The following FAF1 variants were observed in gnomAD, a reference collection of about 807,000 sequenced individuals.
FAF1 encodes the protein Fas associated factor 1.
FAF1 carries 25 observed loss-of-function variants against 92.5 expected under a neutral mutation model. That is an observed-to-expected ratio of 0.27 (90% CI 0.20 to 0.38). FAF1 has a LOEUF of 0.38. FAF1 is among the 10% of genes least tolerant of loss of function. The pLI is 1.00. For synonymous variants in FAF1, 234 were observed against 273.2 expected, an observed-to-expected ratio of 0.86 and a Z score of 1.42; for missense variants, 636 against 793.3, an observed-to-expected ratio of 0.80 and a Z score of 2.38.
intron 8 of FAF1, among the ~76,000 whole-genome samples, chr1:50,641,791 C>T (rs1557451048): frequency 6.6e-6 from 1 of 152,158 alleles, no homozygotes; most frequent in Admixed American, 6.6e-5. Context: ...TGTGTGTCAG[C>T]TTTGGCTTTG....
rs1558000811 is a variant in FAF1, at chr1:50,574,896, C to CTGTTTTTTTTTTT, written c.1114-7666_1114-7665insAAAAAAAAAAACA. On this transcript the variant is annotated intron_variant, in intron 12 of 18. Coordinates refer to ENST00000396153, the MANE Select transcript of FAF1 (RefSeq NM_007051.3). ...GTTTAAGCATATAGAGTTGTATTAACTCTTTTTTTTTTTTTTTTTTTTTTT... is the reference window on the plus strand; with the variant it reads ...GTTTAAGCATATAGAGTTGTATTAACTGTTTTTTTTTTTTCTTTTTTTTTTTTTTTTTTTTTTT... Among the ~76,000 whole-genome samples the CTGTTTTTTTTTTT allele has an allele frequency of 1.5e-3, 181 of 122,892 alleles. 9 individuals are homozygous for CTGTTTTTTTTTTT. The highest frequency in any genetic ancestry group is 5.1e-3 in the African/African-American group (156 of 30,786). The allele number at this position is 122,892 out of a possible 152,430, so 80.6% of individuals were successfully genotyped here. A position where few individuals can be genotyped will look rare whatever the true frequency, so the allele number is the denominator to read the frequency against.
intron 4 of FAF1, among the ~76,000 whole-genome samples, chr1:50,781,755 T>C (rs1450888561): frequency 1.3e-5 from 2 of 152,130 alleles, no homozygotes; most frequent in Admixed American, 6.5e-5. Flanking sequence ...TATTACTCCA[T>C]AAAAAAGTCT....
intron 4 of FAF1, among the ~76,000 whole-genome samples, chr1:50,765,811 C>G (rs553404257): frequency 6.6e-6 from 1 of 152,292 alleles, no homozygotes; most frequent in African/African-American, 2.4e-5. Flanking sequence ...TAAAATAGGG[C>G]TAGGCATGGT....
chr1:50,833,418 G>C (rs1345520409), intron 2 of FAF1, among the ~76,000 whole-genome samples: 5 of 151,844 alleles, frequency 3.3e-5, no homozygotes, highest in Non-Finnish European at 7.4e-5. Flanking sequence ...CGGGTGTGTG[G>C]GAGACAGTGC....
intron 1 of FAF1, among the ~76,000 whole-genome samples, chr1:50,859,278 G>C (rs913583312): frequency 1.3e-5 from 2 of 151,682 alleles, no homozygotes; most frequent in Non-Finnish European, 2.9e-5. Flanking sequence ...TCAACCAAGA[G>C]AAAGAAATAA....
chr1:50,596,192 A>T lies in FAF1; in HGVS notation c.769T>A (p.Ser257Thr), dbSNP rs1250650985. Reference sequence around the variant, plus strand: ...ACTGTAAGTCGATGGCAGGGATAAGAGAGCCCTGATTCAGCAAGACACATC... The same window carrying T: ...ACTGTAAGTCGATGGCAGGGATAAGTGAGCCCTGATTCAGCAAGACACATC... ...DSMCLAESGL[S>T]YPCHRLTVGR... Residue 257 changes from serine (S) to threonine (T), a missense_variant, in exon 9 of 19, where the codon TCT becomes ACT. Ser to Thr is a moderately conservative substitution (Grantham distance 58). This residue lies in a region of FAF1 where 317 missense variants were observed against 342.4 expected (regional missense o/e 0.93). Transcript: ENST00000396153. The T allele has an allele frequency of 1.9e-6, 3 of 1,613,646 alleles. No individual in the cohort carries two copies. In the Admixed American group the frequency reaches 5.0e-5, roughly 27 times the overall value.
intron 15 of FAF1, among the ~76,000 whole-genome samples, chr1:50,518,084 T>C (rs115867929): frequency 0.013 from 2,033 of 152,276 alleles, 42 homozygotes; most frequent in African/African-American, 0.045. Flanking sequence ...AGTTTCATCA[T>C]ACAAAAAATA....
At chr1:50,944,871 CA>C (rs1432673261) in intron 1 of FAF1, among the ~76,000 whole-genome samples, 1 of 152,062 alleles carries the variant, frequency 6.6e-6, no homozygotes, top group Non-Finnish European at 1.5e-5. Context: ...CCTGAATTCT[CA>C]AAATAGGGCT....
Position 50,683,584 on chromosome 1 carries a change from T to C in FAF1, c.657+22202A>G, listed in dbSNP as rs199524443. On this transcript the variant is annotated intron_variant, in intron 7 of 18. Transcript: ENST00000396153. ...AATTTTATATAAATGTTACTTTTGA[T>C]AAAACTGATAGGAACCTTAATAGAA... Among the ~76,000 whole-genome samples the C allele has an allele frequency of 1.5e-3, 224 of 151,980 alleles. 1 individual carries two copies. The highest frequency in any genetic ancestry group is 5.8e-3 in the Admixed American group (89 of 15,262).
intron 3 of FAF1, among the ~76,000 whole-genome samples, chr1:50,796,044 A>G (rs1057405258): frequency 5.9e-5 from 9 of 151,956 alleles, no homozygotes; most frequent in African/African-American, 1.2e-4. Flanking sequence ...TCACCAGGTA[A>G]AAAAACAACA....
chr1:50,874,284 T>C (rs1644551862), intron 1 of FAF1, among the ~76,000 whole-genome samples: 1 of 152,208 alleles, frequency 6.6e-6, no homozygotes, highest in Non-Finnish European at 1.5e-5. Context: ...AACTAATTTC[T>C]TAAACATAAA....
intron 2 of FAF1, among the ~76,000 whole-genome samples, chr1:50,802,263 T>C (rs1662023254): frequency 6.6e-6 from 1 of 152,178 alleles, no homozygotes; most frequent in Non-Finnish European, 1.5e-5. Context: ...GCTAACTATG[T>C]ATTTTTAGTA....
chr1:50,555,406 T>C, intron 13 of FAF1, among the ~76,000 whole-genome samples: 1 of 151,224 alleles, frequency 6.6e-6, no homozygotes. Flanking sequence ...CTCAAACAAA[T>C]CAGCCAGAAA....
chr1:50,519,398 A>AGGGAG (rs1647382276), intron 15 of FAF1, among the ~76,000 whole-genome samples: 1 of 59,580 alleles, frequency 1.7e-5, no homozygotes, highest in African/African-American at 7.9e-5. Flanking sequence ...GAGGGAGGGA[A>AGGGAG]GGAGGGAGGG....
chr1:50,483,130 A>G (rs1646722209), intron 17 of FAF1, among the ~76,000 whole-genome samples: 1 of 152,158 alleles, frequency 6.6e-6, no homozygotes, highest in African/African-American at 2.4e-5. Context: ...ATTTAGGTCT[A>G]TTACCCATTT....
intron 13 of FAF1, among the ~76,000 whole-genome samples, chr1:50,554,598 T>C (rs1344601422): frequency 6.6e-6 from 1 of 152,020 alleles, no homozygotes; most frequent in Non-Finnish European, 1.5e-5. Flanking sequence ...AGGAAGAAAA[T>C]TACTGTCGTC....
chr1:50,680,648 A>G (rs559560184), intron 7 of FAF1, among the ~76,000 whole-genome samples: 19 of 151,978 alleles, frequency 1.3e-4, no homozygotes, highest in Middle Eastern at 3.4e-3. Flanking sequence ...GTGCCATTGC[A>G]CTCCAGCCTG....
intron 7 of FAF1, among the ~76,000 whole-genome samples, chr1:50,673,731 G>C (rs925414345): frequency 2.0e-5 from 3 of 152,020 alleles, no homozygotes; most frequent in Non-Finnish European, 4.4e-5. Context: ...AAATGCAAAG[G>C]CTCTGTTAGG....
chr1:50,905,644 A>AT (rs1439276487), intron 1 of FAF1, among the ~76,000 whole-genome samples: 1 of 152,092 alleles, frequency 6.6e-6, no homozygotes, highest in Non-Finnish European at 1.5e-5. Context: ...GATGATGAGC[A>AT]TTTTTTCATG....
Sources: gnomAD v4.1 joint callset for allele counts (sites outside exome capture counted in the v4.1 genomes callset) on GRCh38, gnomAD v4.1.1 for gene constraint, gnomAD v4.1.1 regional missense constraint, MANE v1.5 for transcripts, NCBI Gene and HGNC (gene_info 2026-07-23, HGNC 2026-07-21) for gene names.